Variants in HEATR4 observed in about 807,000 individuals in gnomAD.
HEATR4 encodes the protein HEAT repeat containing 4, also known as HEAT repeat-containing protein 4.
In HEATR4, 95 loss-of-function variants were observed where a neutral mutation model predicts 108.8. The ratio of observed to expected loss-of-function variants is 0.87; its 90% CI spans 0.74 to 1.04. The LOEUF (loss-of-function observed/expected upper bound fraction) is 1.04. HEATR4 is among the 50% of genes least tolerant of loss of function. The pLI, the probability that HEATR4 is intolerant of heterozygous loss-of-function variation, is 0.00. For missense variants in HEATR4, 1,152 were observed against 1,253.8 expected (o/e 0.92, Z 1.23); for synonymous variants, 443 against 459.4 (o/e 0.96, Z 0.46).
At chr14:73,618,278 G>A in the HEATR4 span, among the ~76,000 whole-genome samples, 1 of 152,168 alleles carries the variant, frequency 6.6e-6, no homozygotes, top group African/African-American at 2.4e-5. Context: ...GTTCTGCAGG[G>A]TTCTCTCCCC....
At chr14:73,500,451 G>C in intron 12 of HEATR4, 99 bp downstream of exon 12, 1 of 1,284,154 alleles carries the variant, frequency 7.8e-7, no homozygotes, top group Non-Finnish European at 1.1e-6. Context: ...CTCTCATTCT[G>C]TGTCCCCACA....
upstream of HEATR4, among the ~76,000 whole-genome samples, chr14:73,562,406 A>G (rs756293816): frequency 6.6e-6 from 1 of 152,056 alleles, no homozygotes; most frequent in African/African-American, 2.4e-5. Context: ...TAACTGTACA[A>G]ATTGATTGTA....
At chr14:73,621,372 C>T in the HEATR4 span, among the ~76,000 whole-genome samples, 3 of 152,166 alleles carry the variant, frequency 2.0e-5, no homozygotes, top group South Asian at 2.1e-4. Context: ...ATACCTTGCA[C>T]GCCATGGCCT....
At chr14:73,596,360 A>G in the HEATR4 span, 3 of 151,956 alleles carry the variant, frequency 2.0e-5, no homozygotes, top group Non-Finnish European at 4.4e-5. Flanking sequence ...TTAGCCAAAC[A>G]TGGTACACAC....
intron 1 of HEATR4, among the ~76,000 whole-genome samples, chr14:73,540,883 A>G (rs867228056): frequency 8.7e-3 from 972 of 111,456 alleles, no homozygotes; most frequent in African/African-American, 0.029. Context: ...CTGGGATTAC[A>G]GGTGGCCGCC....
In HEATR4 at chr14:73,547,022, G is replaced by T. The variant is rs539880864; in HGVS notation, c.-152+11729C>A. On this transcript the variant is annotated intron_variant, in intron 1 of 17. Coordinates refer to ENST00000553558, the MANE Select transcript of HEATR4 (RefSeq NM_001220484.1). Reference sequence around the variant, plus strand: ...GAATAGCTTGAACAAGGAGGCGGAGGTTACAGTGAGCCAAGATCACGCCAC... The same window carrying T: ...GAATAGCTTGAACAAGGAGGCGGAGTTTACAGTGAGCCAAGATCACGCCAC... Among the ~76,000 whole-genome samples, 200 of 107,378 alleles carry T rather than the reference G, an allele frequency of 1.9e-3. 38 individuals are homozygous for T. The highest frequency in any genetic ancestry group is 2.6e-3 in the Non-Finnish European group (126 of 48,950). The allele number at this position is 107,378 out of a possible 152,430, so 70.4% of individuals were successfully genotyped here. A position where few individuals can be genotyped will look rare whatever the true frequency, so the allele number is the denominator to read the frequency against.
rs185735776 is a variant in HEATR4, at chr14:73,539,451, C to T, written c.-151-9207G>A. On this transcript the variant is annotated intron_variant, in intron 1 of 17. Transcript: ENST00000553558. ...GGACTCCAGGTGCTGCTCTACCCAGCGGTGCTTCTCACCCACACAGTGGTC... is the reference window on the plus strand; with the variant it reads ...GGACTCCAGGTGCTGCTCTACCCAGTGGTGCTTCTCACCCACACAGTGGTC... The T allele has an allele frequency of 3.0e-4, 36 of 121,740 alleles. 11 individuals carry two copies. The highest frequency in any genetic ancestry group is 5.1e-4 in the Non-Finnish European group (29 of 56,398). 7.5% of individuals were successfully genotyped at this position (121,740 alleles called of 1,614,324 possible).
the HEATR4 span, among the ~76,000 whole-genome samples, chr14:73,570,224 G>C: frequency 2.0e-5 from 3 of 151,668 alleles, no homozygotes; most frequent in African/African-American, 4.8e-5. Context: ...TTGGGGAAGT[G>C]TCCCTGCCGC....
chr14:73,575,920 G>A, the HEATR4 span, among the ~76,000 whole-genome samples: 1 of 151,974 alleles, frequency 6.6e-6, no homozygotes, highest in Non-Finnish European at 1.5e-5. Flanking sequence ...GGGAGGCTGA[G>A]GTGGGCGGAT....
At chr14:73,595,410 G>A in the HEATR4 span, 14 of 1,614,204 alleles carry the variant, frequency 8.7e-6, no homozygotes, top group Non-Finnish European at 1.2e-5. Context: ...GTCTCTGAAC[G>A]GTTACAGGCC....
At chr14:73,581,447 G>A in the HEATR4 span, 4 of 151,864 alleles carry the variant, frequency 2.6e-5, no homozygotes, top group African/African-American at 9.7e-5. Context: ...CTCGTGATGT[G>A]TGTGTGTGTG....
At position 73,535,469 on chromosome 14, in the gene HEATR4, C is replaced by CTTTTTTTTTTTT. The variant is rs869167008; in HGVS notation, c.-151-5237_-151-5226dup. On this transcript the variant is annotated intron_variant, in intron 1 of 17. Transcript: ENST00000553558. The stretch of plus-strand genomic sequence containing the variant: ...CCTTTTTCTTTTCTTTTTCTTCTTT[C>CTTTTTTTTTTTT]TTTTTTTTTTTTTTTTTTTTTTTTT... Among the ~76,000 whole-genome samples the CTTTTTTTTTTTT allele has an allele frequency of 1.2e-3, 20 of 16,526 alleles. 1 individual carries two copies. Among genetic ancestry groups the CTTTTTTTTTTTT allele is most frequent in the Non-Finnish European group, 4.2e-3 (15 of 3,608 alleles). 10.8% of individuals were successfully genotyped at this position (16,526 alleles called of 152,430 possible).
chr14:73,574,139 G>T, the HEATR4 span, among the ~76,000 whole-genome samples: 19 of 151,758 alleles, frequency 1.3e-4, no homozygotes, highest in Non-Finnish European at 2.1e-4. Context: ...CCAGAGTGCT[G>T]GAATTACAGG....
rs1368216195 is a variant in HEATR4 at position 73,492,954 on chromosome 14, A to C, written c.2844+112T>G. 6.2e-7 allele frequency: 1 copy of C among 1,602,514 alleles called. No homozygotes were observed. The highest frequency in any genetic ancestry group is 1.7e-5 in the Admixed American group (1 of 59,256). ...CTAGCCCTAAATTAGTTTCTTGTTGATTGCTGGAAACAAGGCAGTAGTGAT... is the reference window on the plus strand; with the variant it reads ...CTAGCCCTAAATTAGTTTCTTGTTGCTTGCTGGAAACAAGGCAGTAGTGAT... On this transcript the variant is annotated intron_variant, in intron 17 of 17. Coordinates refer to ENST00000553558, the MANE Select transcript of HEATR4 (RefSeq NM_001220484.1). This position sits in a 1 kb window ranked among gnomAD's most constrained non-coding sequence, Gnocchi z 4.9.
chr14:73,555,960 G>A (rs1304702151), intron 1 of HEATR4, among the ~76,000 whole-genome samples: 1 of 110,474 alleles, frequency 9.1e-6, no homozygotes, highest in African/African-American at 2.9e-5. Context: ...AGCCGAGATC[G>A]TGCCACCGCA....
At chr14:73,591,665 C>T in the HEATR4 span, 1 of 354,742 alleles carries the variant, frequency 2.8e-6, no homozygotes, top group East Asian at 4.3e-5. Flanking sequence ...ATTCCAACAA[C>T]CGAGGGTGGT....
At chr14:73,566,546 C>G in the HEATR4 span, among the ~76,000 whole-genome samples, 1 of 152,192 alleles carries the variant, frequency 6.6e-6, no homozygotes, top group African/African-American at 2.4e-5. Flanking sequence ...TGCTGGGGGA[C>G]CCAGCACACC....
chr14:73,568,565 CA>C, the HEATR4 span, among the ~76,000 whole-genome samples: 21,549 of 143,134 alleles, frequency 0.15, 2,285 homozygotes, highest in Non-Finnish European at 0.23. Flanking sequence ...CCCTGTCTCT[CA>C]AAAAAAAAAA....
chr14:73,504,252 T>A (rs1886667416), intron 10 of HEATR4, among the ~76,000 whole-genome samples: 5 of 151,468 alleles, frequency 3.3e-5, no homozygotes, highest in Admixed American at 3.3e-4. Flanking sequence ...TAATTTTTTT[T>A]TTTTTTTTGA....
Sources: allele counts gnomAD v4.1 joint callset (sites outside exome capture counted in the v4.1 genomes callset), GRCh38; gene constraint gnomAD v4.1.1; non-coding constraint Gnocchi (gnomAD v3.1); transcripts MANE v1.5; gene names NCBI Gene and HGNC (gene_info 2026-07-23, HGNC 2026-07-21).